EVC2: variants seen among roughly 807,000 people sequenced by gnomAD.
EVC2 encodes limbin.
A neutral mutation model predicts 149.3 loss-of-function variants in EVC2; 148 were observed. That is an observed-to-expected ratio of 0.99 (90% CI 0.87 to 1.14). The LOEUF (loss-of-function observed/expected upper bound fraction) is 1.14. EVC2 is among the 50% of genes most tolerant of loss of function. The pLI is 0.00. For synonymous variants in EVC2, 776 were observed against 649.9 expected, an observed-to-expected ratio of 1.19 and a Z score of -2.95; for missense variants, 1,854 against 1,627.3, an observed-to-expected ratio of 1.14 and a Z score of -2.40.
At chr4:5,671,736 T>G (rs1044898139) in intron 7 of EVC2, among the ~76,000 whole-genome samples, 1 of 152,190 alleles carries the variant, frequency 6.6e-6, no homozygotes, top group Non-Finnish European at 1.5e-5. Context: ...TGTCTTAAAC[T>G]CCTGACCTCG....
intron 16 of EVC2, among the ~76,000 whole-genome samples, chr4:5,611,270 AGAATG>A (rs1940157521): frequency 6.6e-6 from 1 of 152,220 alleles, no homozygotes; most frequent in African/African-American, 2.4e-5. Context: ...TTTTGAGCTT[AGAATG>A]GACTTCAAGA....
At chr4:5,615,386 C>A (rs769038389) in intron 16 of EVC2, 36 bp downstream of exon 16, 2 of 1,613,812 alleles carry the variant, frequency 1.2e-6, no homozygotes, top group African/African-American at 2.7e-5. Flanking sequence ...CCGCCATGTG[C>A]AGAGAGAAAC....
intron 16 of EVC2, among the ~76,000 whole-genome samples, chr4:5,585,889 T>C (rs1181817200): frequency 6.6e-6 from 1 of 152,146 alleles, no homozygotes; most frequent in Non-Finnish European, 1.5e-5. Flanking sequence ...TTAGACACAG[T>C]CTCGCTCTGT....
In EVC2 at chr4:5,569,650, C is replaced by G. The variant is rs1722528702; in HGVS notation, c.3361-1010G>C. Among the ~76,000 whole-genome samples, 1 of 151,544 alleles carries G rather than the reference C, an allele frequency of 6.6e-6. No individual in the cohort carries two copies. The highest frequency in any genetic ancestry group is 1.5e-5 in the Non-Finnish European group (1 of 67,926). On this transcript the variant is annotated intron_variant, in intron 19 of 21. Transcript: ENST00000344408. This position sits in a 1 kb window ranked among gnomAD's most constrained non-coding sequence, Gnocchi z 4.8. Reference sequence around the variant, plus strand: ...AGCCAGGGGCCTGTGCAGGGGCAGGCAGGGGTGGGAGGGAACAAGTCCAGG... The same window carrying G: ...AGCCAGGGGCCTGTGCAGGGGCAGGGAGGGGTGGGAGGGAACAAGTCCAGG...
chr4:5,708,151 C>G, intron 1 of EVC2, 135 bp downstream of exon 1: 2 of 761,738 alleles, frequency 2.6e-6, no homozygotes, highest in Non-Finnish European at 1.9e-6. Context: ...CTAAGGGCCG[C>G]GAAGCACCCT....
At chr4:5,650,764 C>T (rs550620715) in intron 9 of EVC2, among the ~76,000 whole-genome samples, 407 of 148,678 alleles carry the variant, frequency 2.7e-3, no homozygotes, top group African/African-American at 9.4e-3. Context: ...ATTAAAATAC[C>T]TTTTTCAAAG....
chr4:5,598,116 T>A (rs1713622450), intron 16 of EVC2, among the ~76,000 whole-genome samples: 1 of 150,178 alleles, frequency 6.7e-6, no homozygotes, highest in African/African-American at 2.4e-5. Context: ...GTAGGAAGAA[T>A]CAATATCATG....
At chr4:5,558,448 T>C (rs751116545), downstream of EVC2, among the ~76,000 whole-genome samples, 1 of 152,246 alleles carries the variant, frequency 6.6e-6, no homozygotes, top group African/African-American at 2.4e-5. Flanking sequence ...TAATTGTGGA[T>C]ACATGGCACT....
rs1720693935 is a variant in EVC2 at position 5,686,116 on chromosome 4, A to AC, written c.707-638dup. ...ATATTACACACACACACACACACAC[A>AC]CACACACACACAGAGTAAAGAAAAG... On this transcript the variant is annotated intron_variant, in intron 5 of 21. Coordinates refer to ENST00000344408, the MANE Select transcript of EVC2 (RefSeq NM_147127.5). This position sits in a 1 kb window ranked among gnomAD's most constrained non-coding sequence, Gnocchi z 5.4. Among the ~76,000 whole-genome samples, 1 of 97,892 alleles carries AC rather than the reference A, an allele frequency of 1.0e-5. No homozygotes were observed. The highest frequency in any genetic ancestry group is 5.0e-5 in the African/African-American group (1 of 19,864). 64.2% of individuals were successfully genotyped at this position (97,892 alleles called of 152,430 possible).
At chr4:5,621,953 G>A (rs938980419) in intron 14 of EVC2, among the ~76,000 whole-genome samples, 4 of 152,170 alleles carry the variant, frequency 2.6e-5, no homozygotes, top group African/African-American at 9.7e-5. Flanking sequence ...GTCATTACAT[G>A]GCTCTTGAAT....
intron 14 of EVC2, among the ~76,000 whole-genome samples, chr4:5,621,773 G>C (rs1049346132): frequency 6.6e-6 from 1 of 152,204 alleles, no homozygotes; most frequent in African/African-American, 2.4e-5. Flanking sequence ...ATCTTGGGAG[G>C]CTGAGGCGGG....
chr4:5,546,095 A>C (rs1721611395), intron 21 of EVC2, among the ~76,000 whole-genome samples: 1 of 152,192 alleles, frequency 6.6e-6, no homozygotes, highest in South Asian at 2.1e-4. Flanking sequence ...GAGAAACAGG[A>C]ACACTTTTAC....
At chr4:5,534,965 T>G in the EVC2 span, among the ~76,000 whole-genome samples, 1 of 152,222 alleles carries the variant, frequency 6.6e-6, no homozygotes, top group Admixed American at 6.5e-5. Flanking sequence ...CCTTTTCTTT[T>G]TGTCAGCTGT....
chr4:5,594,210 A>G (rs1407703966), intron 16 of EVC2, among the ~76,000 whole-genome samples: 3 of 152,202 alleles, frequency 2.0e-5, no homozygotes, highest in African/African-American at 7.2e-5. Context: ...ACAGCTTTGA[A>G]GAGACCAGTG....
intron 1 of EVC2, among the ~76,000 whole-genome samples, chr4:5,705,532 T>C (rs1722074065): frequency 8.0e-6 from 1 of 125,140 alleles, no homozygotes; most frequent in Non-Finnish European, 1.8e-5. Flanking sequence ...CATATTAACA[T>C]AAATAGCATT....
chr4:5,606,456 C>T (rs567128842), intron 16 of EVC2, among the ~76,000 whole-genome samples: 39 of 152,238 alleles, frequency 2.6e-4, no homozygotes, highest in East Asian at 3.9e-4. Context: ...CTTGATTAAA[C>T]GCAGCTGTTA....
chr4:5,689,968 A>G (rs1180808167), intron 4 of EVC2, among the ~76,000 whole-genome samples: 1 of 152,202 alleles, frequency 6.6e-6, no homozygotes, highest in African/African-American at 2.4e-5. Flanking sequence ...GCTGAAATAC[A>G]TGCAGGAGCC....
Position 5,632,048 on chromosome 4 carries a change from G to A in EVC2, c.1471-16C>T. The A allele has an allele frequency of 6.2e-7, 1 of 1,613,472 alleles. No individual in the cohort carries two copies. ...CTACAGCAGACTGGAGAGAGGAAAGGGAGAGCGTGAGAAACTGACACACTG... is the reference window on the plus strand; with the variant it reads ...CTACAGCAGACTGGAGAGAGGAAAGAGAGAGCGTGAGAAACTGACACACTG... On this transcript the variant is annotated splice_polypyrimidine_tract_variant and intron_variant, in intron 10 of 21. Coordinates refer to ENST00000344408, the MANE Select transcript of EVC2 (RefSeq NM_147127.5).
chr4:5,689,651 G>A (rs1481213178), intron 4 of EVC2, among the ~76,000 whole-genome samples: 2 of 152,210 alleles, frequency 1.3e-5, no homozygotes, highest in Admixed American at 1.3e-4. Context: ...TCAGGTTGGG[G>A]AAATTGTGAT....
Sources: allele counts gnomAD v4.1 joint callset (sites outside exome capture counted in the v4.1 genomes callset), GRCh38; gene constraint gnomAD v4.1.1; non-coding constraint Gnocchi (gnomAD v3.1); transcripts MANE v1.5; gene names NCBI Gene and HGNC (gene_info 2026-07-23, HGNC 2026-07-21).